TMEM237: variants seen among roughly 807,000 people sequenced by gnomAD.
TMEM237 encodes transmembrane protein 237.
A neutral mutation model predicts 59.1 loss-of-function variants in TMEM237; 51 were observed. The ratio of observed to expected loss-of-function variants is 0.86; its 90% CI spans 0.69 to 1.09. The LOEUF is 1.09. Ranked by LOEUF, TMEM237 falls within the 50% of genes least tolerant of loss-of-function variation. The pLI is 0.00. For synonymous variants in TMEM237, 140 were observed against 166.1 expected (o/e 0.84, Z 1.21); for missense variants, 475 against 478.3 (o/e 0.99, Z 0.06).
At chr2:201,631,547 CCCA>C (rs536893517) in intron 7 of TMEM237, among the ~76,000 whole-genome samples, 6 of 152,072 alleles carry the variant, frequency 3.9e-5, no homozygotes, top group Non-Finnish European at 8.8e-5. Flanking sequence ...TATTATCTGT[CCCA>C]CCACAACTAC....
rs993340497 is a variant in TMEM237 at position 201,643,433 on chromosome 2, C to T, written c.-33G>A. ...TCCCCGCGGGGCTGCCCCGGCGCAA[C>T]CGCCGGCGGCCCGAGCCCAGCTCCC... On this transcript the variant is annotated 5_prime_UTR_variant, in exon 1 of 13. Coordinates refer to ENST00000409883, the MANE Select transcript of TMEM237 (RefSeq NM_001044385.3). The surrounding 1 kb of genome is among the most constrained non-coding windows in gnomAD (Gnocchi z 4.3). 5.4e-6 allele frequency: 8 copies of T among 1,476,608 alleles called. No homozygotes were observed. In the South Asian group the frequency reaches 7.8e-5, roughly 14 times the overall value. The allele number at this position is 1,476,608 out of a possible 1,614,324, so 91.5% of individuals were successfully genotyped here.
At chr2:201,633,029 A>T (rs761756743) in intron 6 of TMEM237, among the ~76,000 whole-genome samples, 2 of 152,008 alleles carry the variant, frequency 1.3e-5, no homozygotes, top group Non-Finnish European at 2.9e-5. Flanking sequence ...TTAATGTTTA[A>T]TTTTGCTACT....
chr2:201,626,372 A>G, intron 11 of TMEM237: 1 of 348,504 alleles, frequency 2.9e-6, no homozygotes, highest in East Asian at 4.5e-5. Context: ...ATACATTCAT[A>G]TAAATGCAAA....
rs1191089199 is a variant in TMEM237 at position 201,635,344 on chromosome 2, G to A, written c.274+1404C>T. 6.6e-6 allele frequency among the ~76,000 whole-genome samples: 1 copy of A among 152,176 alleles called. No individual in the cohort carries two copies. The highest frequency in any genetic ancestry group is 1.5e-5 in the Non-Finnish European group (1 of 68,042). Reference sequence around the variant, plus strand: ...GGAATGGGCCCTAAATCCAACAACTGATATCCTTATAAGAGGGAAATGTGG... The same window carrying A: ...GGAATGGGCCCTAAATCCAACAACTAATATCCTTATAAGAGGGAAATGTGG... On this transcript the variant is annotated intron_variant, in intron 5 of 12. Coordinates refer to ENST00000409883, the MANE Select transcript of TMEM237 (RefSeq NM_001044385.3). This position sits in a 1 kb window ranked among gnomAD's most constrained non-coding sequence, Gnocchi z 4.5.
At chr2:201,637,660 G>T (rs530342908) in intron 4 of TMEM237, among the ~76,000 whole-genome samples, 1 of 150,546 alleles carries the variant, frequency 6.6e-6, no homozygotes, top group African/African-American at 2.4e-5. Context: ...CAGGAGAATC[G>T]CTTGAACCCA....
intron 4 of TMEM237, 146 bp from the exon 5 acceptor site, chr2:201,637,031 C>A: frequency 1.3e-6 from 1 of 765,342 alleles, no homozygotes; most frequent in Non-Finnish European, 1.9e-6. Context: ...ATCTTTCCTT[C>A]CTCCTCACCT....
In TMEM237 at chr2:201,632,150, T is replaced by G. The variant is rs771052304; in HGVS notation, c.454A>C (p.Ile152Leu). ...ANELGVEDEDIITDEQTTVEQ... is the reference protein window; with the variant it reads ...ANELGVEDEDLITDEQTTVEQ... ...ACAGTAGTTTGCTCATCAGTGATTATGTCTTCATCTTCTACTCCTAGCTCA... is the reference window on the plus strand; with the variant it reads ...ACAGTAGTTTGCTCATCAGTGATTAGGTCTTCATCTTCTACTCCTAGCTCA... The change falls in exon 7 of 13, where the codon ATA (isoleucine) becomes CTA (leucine). Residue 152 changes from isoleucine to leucine, a missense_variant. Coordinates refer to ENST00000409883, the MANE Select transcript of TMEM237 (RefSeq NM_001044385.3). 1.7e-5 allele frequency: 27 copies of G among 1,613,958 alleles called. No individual in the cohort carries two copies. The highest frequency in any genetic ancestry group is 2.2e-5 in the Non-Finnish European group (26 of 1,179,834).
At chr2:201,639,165 G>A (rs534801341) in intron 3 of TMEM237, 120 bp from the exon 4 acceptor site, 29 of 909,456 alleles carry the variant, frequency 3.2e-5, no homozygotes, top group African/African-American at 5.1e-5. Flanking sequence ...CCTGGCAAAC[G>A]TTTATAGATT....
At chr2:201,629,664 T>A in intron 8 of TMEM237, 65 bp downstream of exon 8, 3 of 1,559,186 alleles carry the variant, frequency 1.9e-6, no homozygotes, top group South Asian at 1.2e-5. Flanking sequence ...AAGAGGTTAT[T>A]TTTTTCTTTA....
chr2:201,633,430 T>A lies in TMEM237; in HGVS notation c.276A>T (p.Glu92Asp), dbSNP rs1264290794. 6.5e-7 allele frequency: 1 copy of A among 1,527,636 alleles called. No homozygotes were observed. Among genetic ancestry groups the A allele is most frequent in the Non-Finnish European group, 8.8e-7 (1 of 1,139,496 alleles). The allele number at this position is 1,527,636 out of a possible 1,614,324, so 94.6% of individuals were successfully genotyped here. A position where few individuals can be genotyped will look rare whatever the true frequency, so the allele number is the denominator to read the frequency against. ...TCTTTTGGGTGGAGGAAGTCTCCAA[T>A]TCTGAAAACAAAATAAATTTAACTT... Reference protein sequence around the residue: ...RRQKKTRLPLELETSSTQKKS... With the variant: ...RRQKKTRLPLDLETSSTQKKS... The change falls in exon 6 of 13, where the codon GAA (glutamate) becomes GAT (aspartate). Residue 92 changes from glutamate (E) to aspartate (D), a missense_variant and splice_region_variant. Coordinates refer to ENST00000409883, the MANE Select transcript of TMEM237 (RefSeq NM_001044385.3).
chr2:201,642,992 G>C (rs890363436), intron 1 of TMEM237: 1 of 1,298,954 alleles, frequency 7.7e-7, no homozygotes, highest in Non-Finnish European at 9.7e-7. Flanking sequence ...CAGGCGAACA[G>C]ATCTCTTCTG....
At chr2:201,636,686 T>G (rs1574584658) in intron 5 of TMEM237, 62 bp downstream of exon 5, 1 of 1,524,972 alleles carries the variant, frequency 6.6e-7, no homozygotes, top group Non-Finnish European at 8.8e-7. Flanking sequence ...AGCAGAGAGG[T>G]TTTTATCATG....
At position 201,643,274 on chromosome 2, in the gene TMEM237, G is replaced by GGCCCCCCCCACACACCCA; in HGVS notation, c.42+84_42+85insTGGGTGTGTGGGGGGGGC. On this transcript the variant is annotated intron_variant, in intron 1 of 12. Transcript: ENST00000409883. The surrounding 1 kb of genome is among the most constrained non-coding windows in gnomAD (Gnocchi z 4.3). ...CCTTAGTGATTCCCAGCTCGTTGGC[G>GGCCCCCCCCACACACCCA]CCCCCCCACACACACCCACCCCCAC... 8.3e-7 allele frequency: 1 copy of GGCCCCCCCCACACACCCA among 1,206,758 alleles called. No homozygotes were observed. Among genetic ancestry groups the GGCCCCCCCCACACACCCA allele is most frequent in the Non-Finnish European group, 1.2e-6 (1 of 849,318 alleles). 74.8% of individuals were successfully genotyped at this position (1,206,758 alleles called of 1,614,324 possible). A position where few individuals can be genotyped will look rare whatever the true frequency, so the allele number is the denominator to read the frequency against.
At chr2:201,641,211 T>C (rs550610625) in intron 1 of TMEM237, among the ~76,000 whole-genome samples, 9 of 152,208 alleles carry the variant, frequency 5.9e-5, no homozygotes, top group Non-Finnish European at 8.8e-5. Flanking sequence ...AGGCTGGTCT[T>C]GAACTCCTGA....
rs1275370721 is a variant in TMEM237, at chr2:201,643,317, T to G, written c.42+42A>C. Reference sequence around the variant, plus strand: ...ACCCCCACTGCCAAGTGTAGCTGTTTACCCGCCACCTCTCGAGGCCGACGC... The same window carrying G: ...ACCCCCACTGCCAAGTGTAGCTGTTGACCCGCCACCTCTCGAGGCCGACGC... On this transcript the variant is annotated intron_variant, in intron 1 of 12. Transcript: ENST00000409883. This position sits in a 1 kb window ranked among gnomAD's most constrained non-coding sequence, Gnocchi z 4.3. 1 of 1,538,312 alleles carries G rather than the reference T, an allele frequency of 6.5e-7. No homozygotes were observed. Among genetic ancestry groups the G allele is most frequent in the Admixed American group, 2.0e-5 (1 of 50,652 alleles).
intron 12 of TMEM237, 140 bp from the exon 13 acceptor site, chr2:201,624,462 A>G (rs1957739824): frequency 4.2e-6 from 2 of 475,382 alleles, no homozygotes; most frequent in Admixed American, 3.9e-5. Context: ...AGATTTCTTG[A>G]CAGTGAAATA....
chr2:201,638,034 C>G (rs989625316), intron 4 of TMEM237, among the ~76,000 whole-genome samples: 3 of 152,300 alleles, frequency 2.0e-5, no homozygotes, highest in Admixed American at 6.5e-5. Context: ...TGCTAGCAAT[C>G]CATCCTACAG....
At chr2:201,638,953 A>T (rs780667894) in intron 4 of TMEM237, 36 bp downstream of exon 4, 8 of 1,556,248 alleles carry the variant, frequency 5.1e-6, no homozygotes, top group Non-Finnish European at 7.0e-6. Context: ...TCCTGGGAAA[A>T]CTTGTGATCC....
chr2:201,643,012 A>G lies in TMEM237; in HGVS notation c.42+347T>C. ...GAACAGATCTCTTCTGGGCAGCTAC[A>G]GACCTCTCCTCGGAGGAGTCTAGGA... On this transcript the variant is annotated intron_variant, in intron 1 of 12. Transcript: ENST00000409883. This position sits in a 1 kb window ranked among gnomAD's most constrained non-coding sequence, Gnocchi z 4.3. 7.7e-7 allele frequency: 1 copy of G among 1,292,208 alleles called. No individual in the cohort carries two copies. Among genetic ancestry groups the G allele is most frequent in the East Asian group, 3.5e-5 (1 of 28,792 alleles). 80.0% of individuals were successfully genotyped at this position (1,292,208 alleles called of 1,614,324 possible). A position where few individuals can be genotyped will look rare whatever the true frequency, so the allele number is the denominator to read the frequency against.
Sources: allele counts gnomAD v4.1 joint callset (sites outside exome capture counted in the v4.1 genomes callset), GRCh38; gene constraint gnomAD v4.1.1; non-coding constraint Gnocchi (gnomAD v3.1); transcripts MANE v1.5; gene names NCBI Gene and HGNC (gene_info 2026-07-23, HGNC 2026-07-21).